NSD1: variants seen among roughly 807,000 people sequenced by gnomAD.
NSD1 encodes the protein nuclear receptor binding SET domain protein 1, also known as histone-lysine N-methyltransferase, H3 lysine-36 specific.
NSD1 carries 26 observed loss-of-function variants against 242.7 expected under a neutral mutation model. The observed-to-expected ratio is 0.11, with a 90% CI of 0.08 to 0.15. The LOEUF (loss-of-function observed/expected upper bound fraction) is 0.15. Ranked by LOEUF, NSD1 falls within the 10% of genes least tolerant of loss-of-function variation. NSD1 has a pLI of 1.00. For missense variants in NSD1, 2,495 were observed against 3,272.8 expected (o/e 0.76, Z 5.80); for synonymous variants, 1,106 against 1,178.1 (o/e 0.94, Z 1.25).
At chr5:177,237,441 T>C (rs1471511087) in intron 6 of NSD1, among the ~76,000 whole-genome samples, 2 of 151,458 alleles carry the variant, frequency 1.3e-5, no homozygotes, top group South Asian at 2.1e-4. Context: ...TGTGGACTTA[T>C]CAATATTATA....
chr5:177,289,008 G>C, intron 21 of NSD1, 83 bp downstream of exon 21: 2 of 987,660 alleles, frequency 2.0e-6, no homozygotes, highest in Non-Finnish European at 3.3e-6. Flanking sequence ...TACATTTTAA[G>C]AAGAAATCTC....
intron 2 of NSD1, among the ~76,000 whole-genome samples, chr5:177,139,934 A>T (rs1387733241): frequency 6.8e-6 from 1 of 146,684 alleles, no homozygotes; most frequent in Non-Finnish European, 1.5e-5. Context: ...ACAGAGCAAG[A>T]TCCTGTCAAA....
At chr5:177,176,439 T>TTC (rs529411808) in intron 2 of NSD1, among the ~76,000 whole-genome samples, 488 of 150,808 alleles carry the variant, frequency 3.2e-3, no homozygotes, top group Middle Eastern at 0.028. Context: ...TTTTTTTTTT[T>TTC]CTTCTTTTTA....
At chr5:177,181,715 T>C (rs190665522) in intron 2 of NSD1, among the ~76,000 whole-genome samples, 1 of 151,038 alleles carries the variant, frequency 6.6e-6, no homozygotes, top group Admixed American at 6.6e-5. Context: ...TGTGAGCCAC[T>C]GTGCTTGGCT....
Position 177,211,180 on chromosome 5 carries a change from G to C in NSD1, c.2781G>C (p.Leu927Phe). The change falls in exon 5 of 23, where the codon TTG becomes TTC. Residue 927 changes from leucine to phenylalanine, a missense_variant. Leu to Phe is a conservative substitution (Grantham distance 22). Transcript: ENST00000439151. ...ATAGTAAGACGAAGGAGCAGCGGTT[G>C]ATGACTGCTCAAAACCTGGTCTCTT... is the stretch of plus-strand genomic sequence containing the variant. Reference protein sequence around the residue: ...MHDSKTKEQRLMTAQNLVSYR... With the variant: ...MHDSKTKEQRFMTAQNLVSYR... 2 of 1,614,196 alleles carry C rather than the reference G, an allele frequency of 1.2e-6. No homozygotes were observed. Among genetic ancestry groups the C allele is most frequent in the East Asian group, 2.2e-5 (1 of 44,886 alleles).
intron 10 of NSD1, 78 bp from the exon 11 acceptor site, chr5:177,248,103 A>G (rs542371067): frequency 9.9e-5 from 157 of 1,587,682 alleles, no homozygotes; most frequent in Admixed American, 1.6e-4. Flanking sequence ...GGCTAGACAA[A>G]TAGCAGCCCA....
chr5:177,260,185 T>G lies in NSD1; in HGVS notation c.5146+17T>G, dbSNP rs376906695. 39 of 1,611,960 alleles carry G rather than the reference T, an allele frequency of 2.4e-5. No individual in the cohort carries two copies. The highest frequency in any genetic ancestry group is 2.9e-5 in the Non-Finnish European group (34 of 1,178,490). On this transcript the variant is annotated intron_variant, in intron 14 of 22. Transcript: ENST00000439151. ...GCTCAGAAGGTAAGAAATCATTTCT[T>G]CCTCTATTTGTAGTCTAAAAAGGGA... is the stretch of plus-strand genomic sequence containing the variant.
chr5:177,146,598 A>G (rs775152603), intron 2 of NSD1, among the ~76,000 whole-genome samples: 35 of 152,196 alleles, frequency 2.3e-4, no homozygotes, highest in Non-Finnish European at 3.8e-4. Context: ...CTGTATTTCT[A>G]TCAGGACATT....
intron 5 of NSD1, among the ~76,000 whole-genome samples, chr5:177,226,232 A>C (rs553207418): frequency 6.6e-6 from 1 of 152,100 alleles, no homozygotes; most frequent in South Asian, 2.1e-4. Context: ...TTTTTGGTAG[A>C]GGTGAGGTTT....
intron 5 of NSD1, among the ~76,000 whole-genome samples, chr5:177,223,275 T>A (rs1242713866): frequency 1.3e-5 from 2 of 151,916 alleles, no homozygotes; most frequent in Non-Finnish European, 2.9e-5. Flanking sequence ...AGAGCCAGTC[T>A]AGGCACGGTG....
chr5:177,265,750 G>A, intron 14 of NSD1: 1 of 1,540,370 alleles, frequency 6.5e-7, no homozygotes. Flanking sequence ...TCTGCTTCCA[G>A]TGCGTGTACA....
intron 3 of NSD1, among the ~76,000 whole-genome samples, chr5:177,193,900 C>T (rs922376719): frequency 9.2e-5 from 14 of 151,966 alleles, no homozygotes; most frequent in Non-Finnish European, 1.6e-4. Context: ...GCCTCAGCCT[C>T]CAGAGTAGCT....
At chr5:177,147,611 C>T (rs1454043039) in intron 2 of NSD1, among the ~76,000 whole-genome samples, 5 of 150,036 alleles carry the variant, frequency 3.3e-5, no homozygotes, top group Admixed American at 6.7e-5. Context: ...TTTTTTGAGA[C>T]GGAGTTTCAC....
At chr5:177,221,290 C>T (rs145168928) in intron 5 of NSD1, among the ~76,000 whole-genome samples, 428 of 150,170 alleles carry the variant, frequency 2.9e-3, no homozygotes, top group Non-Finnish European at 4.7e-3. Context: ...TTTCTGCCTT[C>T]CTTGTTTTTT....
At chr5:177,258,519 G>T (rs1313380162) in intron 13 of NSD1, among the ~76,000 whole-genome samples, 1 of 151,032 alleles carries the variant, frequency 6.6e-6, no homozygotes, top group Admixed American at 6.6e-5. Flanking sequence ...AGTTGTTTTT[G>T]TTGTTGTTGT....
chr5:177,162,337 C>A (rs1362467237), intron 2 of NSD1, among the ~76,000 whole-genome samples: 1 of 151,482 alleles, frequency 6.6e-6, no homozygotes, highest in African/African-American at 2.4e-5. Flanking sequence ...GTCATCGGGT[C>A]TTTCCAAATT....
intron 9 of NSD1, among the ~76,000 whole-genome samples, chr5:177,245,572 C>T (rs1248456366): frequency 3.3e-5 from 5 of 151,652 alleles, no homozygotes; most frequent in Non-Finnish European, 7.4e-5. Context: ...CTTTATGTTT[C>T]TATAACACAG....
At chr5:177,266,692 G>C (rs1256696616) in intron 14 of NSD1, 1 of 294,982 alleles carries the variant, frequency 3.4e-6, no homozygotes, top group Admixed American at 5.1e-5. Flanking sequence ...GATTAACTCG[G>C]ATATATTCTT....
At position 177,233,537 on chromosome 5, in the gene NSD1, A is replaced by ATTTTTT. The variant is rs56908682; in HGVS notation, c.3797-2269_3797-2264dup. On this transcript the variant is annotated intron_variant, in intron 5 of 22. Transcript: ENST00000439151. The stretch of plus-strand genomic sequence containing the variant: ...ACATGAGCCACCATGCCTGGCTAGT[A>ATTTTTT]TTTTTTTTTTTTTTTTTTTTAAGTA... Among the ~76,000 whole-genome samples the ATTTTTT allele has an allele frequency of 5.5e-5, 7 of 126,388 alleles. 1 individual carries two copies. In the East Asian group the frequency reaches 6.9e-4, roughly 12 times the overall value. 82.9% of individuals were successfully genotyped at this position (126,388 alleles called of 152,430 possible).
Sources: allele counts gnomAD v4.1 joint callset (sites outside exome capture counted in the v4.1 genomes callset), GRCh38; gene constraint gnomAD v4.1.1; transcripts MANE v1.5; gene names NCBI Gene and HGNC (gene_info 2026-07-23, HGNC 2026-07-21).